Variants in DNAL1 observed in about 807,000 individuals in gnomAD.
The protein encoded by DNAL1 is chromosome 14 open reading frame 168.
Under a neutral mutation model 29.4 loss-of-function variants are expected in DNAL1, and 17 were observed. The observed-to-expected ratio is 0.58, with a 90% CI of 0.40 to 0.87. The LOEUF is 0.87. DNAL1 is among the 40% of genes least tolerant of loss of function. The probability of loss-of-function intolerance (pLI) is 0.00; values close to 1 mark genes in which losing one functional copy is unlikely to be tolerated. For synonymous variants in DNAL1, 78 were observed against 76.3 expected (o/e 1.02, Z -0.12); for missense variants, 188 against 214.1 (o/e 0.88, Z 0.76).
Position 73,700,556 on chromosome 14 carries a change from G to GA in DNAL1, c.*4618dup, listed in dbSNP as rs1313261585. On this transcript the variant is annotated 3_prime_UTR_variant, in exon 8 of 8. Transcript: ENST00000553645. ...CCTGGGTTTTTCTCAGGGCTAAATG[G>GA]AAAAGCACAGGGCCCAGAAAGGTTG... The GA allele has an allele frequency of 1.3e-5, 2 of 152,200 alleles. No individual in the cohort carries two copies. The highest frequency in any genetic ancestry group is 2.4e-5 in the African/African-American group (1 of 41,448). 9.4% of individuals were successfully genotyped at this position (152,200 alleles called of 1,614,324 possible).
intron 7 of DNAL1, among the ~76,000 whole-genome samples, chr14:73,692,941 A>G (rs79045869): frequency 0.23 from 34,657 of 151,560 alleles, 5,058 homozygotes; most frequent in Non-Finnish European, 0.33. Flanking sequence ...GATTCGAGCA[A>G]TTCTCTGCCT....
At chr14:73,674,163 CTCATT>C (rs1891676291) in intron 5 of DNAL1, among the ~76,000 whole-genome samples, 1 of 152,156 alleles carries the variant, frequency 6.6e-6, no homozygotes, top group Non-Finnish European at 1.5e-5. Flanking sequence ...CCTTTCTGAT[CTCATT>C]TCATGTTTCT....
intron 3 of DNAL1, among the ~76,000 whole-genome samples, chr14:73,659,161 ATTTTTT>A (rs10547955): frequency 3.5e-5 from 5 of 140,846 alleles, no homozygotes; most frequent in Admixed American, 7.1e-5. Context: ...GTATAGTACA[ATTTTTT>A]TTTTTTTTTT....
chr14:73,660,083 C>T (rs894678701), intron 3 of DNAL1, among the ~76,000 whole-genome samples: 2 of 147,096 alleles, frequency 1.4e-5, no homozygotes, highest in African/African-American at 2.4e-5. Context: ...CTTGCCACCA[C>T]ACCCATCTAA....
In DNAL1 at chr14:73,699,361, AG is replaced by A. The variant is rs1412552831; in HGVS notation, c.*3420del. On this transcript the variant is annotated 3_prime_UTR_variant, in exon 8 of 8. Transcript: ENST00000553645. Reference sequence around the variant, plus strand: ...CGCTCTGTTACCTAGGCTGGAGTGCAGTGGCGCAATCTCAGCTCACTGCAAC... The same window carrying A: ...CGCTCTGTTACCTAGGCTGGAGTGCATGGCGCAATCTCAGCTCACTGCAAC... 1 of 150,186 alleles carries A rather than the reference AG, an allele frequency of 6.7e-6. No homozygotes were observed. The highest frequency in any genetic ancestry group is 6.6e-5 in the Admixed American group (1 of 15,064). The allele number at this position is 150,186 out of a possible 1,614,324, so 9.3% of individuals were successfully genotyped here.
chr14:73,674,923 G>T (rs1043044791), intron 5 of DNAL1, among the ~76,000 whole-genome samples: 2 of 150,348 alleles, frequency 1.3e-5, no homozygotes, highest in African/African-American at 4.9e-5. Context: ...GGCTCAAGCA[G>T]TCCTCCCGCT....
intron 7 of DNAL1, among the ~76,000 whole-genome samples, chr14:73,693,139 C>T (rs1892216800): frequency 6.6e-6 from 1 of 152,058 alleles, no homozygotes; most frequent in African/African-American, 2.4e-5. Flanking sequence ...CAGCCTAAAG[C>T]TGAGGGATGT....
intron 4 of DNAL1, among the ~76,000 whole-genome samples, chr14:73,665,706 G>C (rs1891461899): frequency 6.6e-6 from 1 of 151,886 alleles, no homozygotes; most frequent in Non-Finnish European, 1.5e-5. Flanking sequence ...CAGGAGAATA[G>C]CTGGAACCTG....
At chr14:73,664,851 A>G (rs1891438886) in intron 4 of DNAL1, among the ~76,000 whole-genome samples, 1 of 149,580 alleles carries the variant, frequency 6.7e-6, no homozygotes, top group Non-Finnish European at 1.5e-5. Flanking sequence ...ACAGAGCAAG[A>G]CCTTGTCTAA....
In DNAL1 at chr14:73,697,944, T is replaced by TGA. The variant is rs1892341700; in HGVS notation, c.*2006_*2007dup. 6.6e-6 allele frequency: 1 copy of TGA among 152,160 alleles called. No homozygotes were observed. The highest frequency in any genetic ancestry group is 2.4e-5 in the African/African-American group (1 of 41,440). The allele number at this position is 152,160 out of a possible 1,614,324, so 9.4% of individuals were successfully genotyped here. ...TGGTGATGTTTTAAGTTCCATAAAC[T>TGA]GAGAGGGAAGATGATCTTCTTAAAG... is the stretch of plus-strand genomic sequence containing the variant. On this transcript the variant is annotated 3_prime_UTR_variant, in exon 8 of 8. Transcript: ENST00000553645.
At chr14:73,679,939 T>G (rs1323174291) in intron 5 of DNAL1, among the ~76,000 whole-genome samples, 1 of 152,086 alleles carries the variant, frequency 6.6e-6, no homozygotes, top group Non-Finnish European at 1.5e-5. Context: ...TCCTACTGTT[T>G]GTAAATGCCA....
chr14:73,665,069 A>G (rs1038913128), intron 4 of DNAL1, among the ~76,000 whole-genome samples: 1 of 152,162 alleles, frequency 6.6e-6, no homozygotes, highest in African/African-American at 2.4e-5. Context: ...TGCCTGGTGC[A>G]TATAAAATGC....
intron 4 of DNAL1, 123 bp downstream of exon 4, chr14:73,662,165 G>A: frequency 1.3e-6 from 1 of 767,976 alleles, no homozygotes; most frequent in Non-Finnish European, 2.1e-6. Flanking sequence ...TCAGATAATA[G>A]AATACATAAA....
At chr14:73,668,334 A>G (rs976558101) in intron 4 of DNAL1, among the ~76,000 whole-genome samples, 1 of 152,318 alleles carries the variant, frequency 6.6e-6, no homozygotes, top group East Asian at 1.9e-4. Context: ...CCTGGTGTAT[A>G]GTAGATGGTC....
intron 4 of DNAL1, 135 bp from the exon 5 acceptor site, chr14:73,671,407 G>C (rs910452104): frequency 4.0e-6 from 4 of 1,001,452 alleles, no homozygotes; most frequent in Non-Finnish European, 5.2e-6. Flanking sequence ...ACCCATTTTT[G>C]TTAACACAAC....
chr14:73,689,617 T>G, intron 7 of DNAL1, 102 bp downstream of exon 7: 1 of 1,486,670 alleles, frequency 6.7e-7, no homozygotes, highest in Non-Finnish European at 9.2e-7. Context: ...AAAATACCTC[T>G]GATCTTCCAG....
chr14:73,654,765 A>AATACATAC (rs540475697), intron 1 of DNAL1, 82 bp from the exon 2 acceptor site: 29 of 1,287,444 alleles, frequency 2.3e-5, no homozygotes, highest in African/African-American at 4.7e-5. Flanking sequence ...TCTCAAAATA[A>AATACATAC]ATACATACAT....
chr14:73,648,723 ATTC>A (rs1392379350), intron 1 of DNAL1, among the ~76,000 whole-genome samples: 2 of 151,094 alleles, frequency 1.3e-5, no homozygotes, highest in Non-Finnish European at 2.9e-5. Context: ...CCTTCTTGAT[ATTC>A]TTATTAGTCA....
At position 73,693,123 on chromosome 14, in the gene DNAL1, C is replaced by T. The variant is rs118151022; in HGVS notation, c.533-2779C>T. On this transcript the variant is annotated intron_variant, in intron 7 of 7. Transcript: ENST00000553645. ...TGCTGGAATTACAGGTGTGAGCCACCGCGCCCAGCCTAAAGCTGAGGGATG... is the reference window on the plus strand; with the variant it reads ...TGCTGGAATTACAGGTGTGAGCCACTGCGCCCAGCCTAAAGCTGAGGGATG... Among the ~76,000 whole-genome samples the T allele has an allele frequency of 5.1e-3, 772 of 152,158 alleles. 31 individuals are homozygous for T. Among genetic ancestry groups the T allele is most frequent in the Admixed American group, 0.04 (612 of 15,270 alleles).
Sources: allele counts gnomAD v4.1 joint callset (sites outside exome capture counted in the v4.1 genomes callset), GRCh38; gene constraint gnomAD v4.1.1; transcripts MANE v1.5; gene names NCBI Gene and HGNC (gene_info 2026-07-23, HGNC 2026-07-21).